Variants in NUDC observed in about 807,000 individuals in gnomAD.
The protein encoded by NUDC is nuclear distribution C, dynein complex regulator, also known as nuclear migration protein nudC.
In NUDC, 14 loss-of-function variants were observed where a neutral mutation model predicts 45.0. The observed-to-expected ratio is 0.31, with a 90% CI of 0.21 to 0.49. The LOEUF (loss-of-function observed/expected upper bound fraction) is 0.49. NUDC is among the 20% of genes least tolerant of loss of function. The pLI, the probability that NUDC is intolerant of heterozygous loss-of-function variation, is 0.99. For synonymous variants in NUDC, 153 were observed against 156.7 expected (o/e 0.98, Z 0.17); for missense variants, 323 against 426.2 (o/e 0.76, Z 2.13).
intron 1 of NUDC, among the ~76,000 whole-genome samples, chr1:26,901,787 TG>T (rs2081980351): frequency 6.6e-6 from 1 of 152,166 alleles, no homozygotes; most frequent in Non-Finnish European, 1.5e-5. Context: ...CACATTATAC[TG>T]GGTGATAGGA....
intron 1 of NUDC, chr1:26,900,611 G>A: frequency 3.2e-6 from 2 of 629,922 alleles, no homozygotes; most frequent in Non-Finnish European, 5.4e-6. Flanking sequence ...TTCCCACAGA[G>A]GGAAGCCGGC....
chr1:26,946,013 A>G (rs1469293211), intron 8 of NUDC, 117 bp from the exon 9 acceptor site: 14 of 1,017,130 alleles, frequency 1.4e-5, no homozygotes, highest in Non-Finnish European at 2.0e-5. Flanking sequence ...GCTCCTGCCC[A>G]GCCTGGCTTG....
In NUDC at chr1:26,924,089, C is replaced by G. The variant is rs199984993; in HGVS notation, c.82C>G (p.Leu28Val). 206 of 1,613,912 alleles carry G rather than the reference C, an allele frequency of 1.3e-4. No homozygotes were observed. The highest frequency in any genetic ancestry group is 6.0e-4 in the Admixed American group (36 of 60,000). ...AQQHEGGVQE[L>V]VNTFFSFLRR... ...CTTTAATCTTCTCCCCCTCTTTCAG[C>G]TTGTGAACACCTTCTTCAGCTTCCT... is the stretch of plus-strand genomic sequence containing the variant. Residue 28 changes from leucine (L) to valine (V), a missense_variant and splice_region_variant, in exon 2 of 9, where the codon CTT (leucine) becomes GTT (valine). By Grantham distance (32) the Leu-to-Val change is conservative. Transcript: ENST00000321265.
chr1:26,929,572 A>T (rs1266339919), intron 2 of NUDC: 1 of 213,604 alleles, frequency 4.7e-6, no homozygotes, highest in African/African-American at 2.3e-5. Flanking sequence ...AAGGGACTTG[A>T]GCATCCTCGG....
chr1:26,923,866 C>G (rs1239859561), intron 1 of NUDC, among the ~76,000 whole-genome samples: 1 of 152,100 alleles, frequency 6.6e-6, no homozygotes, highest in Non-Finnish European at 1.5e-5. Flanking sequence ...TCTAGCATCA[C>G]AAGGAAAGTG....
chr1:26,932,666 A>G (rs998404830), intron 2 of NUDC, among the ~76,000 whole-genome samples: 13 of 152,082 alleles, frequency 8.5e-5, no homozygotes, highest in Admixed American at 6.6e-5. Context: ...TGTTAAGTGA[A>G]CTTACACTAA....
intron 2 of NUDC, among the ~76,000 whole-genome samples, chr1:26,925,345 G>C (rs1373722414): frequency 2.7e-5 from 4 of 150,840 alleles, no homozygotes; most frequent in Non-Finnish European, 4.4e-5. Flanking sequence ...TCGAGACCAT[G>C]CTGGCTAACA....
intron 6 of NUDC, 110 bp downstream of exon 6, chr1:26,943,175 T>C (rs1056983576): frequency 9.0e-7 from 1 of 1,105,058 alleles, no homozygotes; most frequent in Non-Finnish European, 1.4e-6. Context: ...ATTATCTTAA[T>C]CCCCATGACA....
At chr1:26,909,492 G>A (rs535430965) in intron 2 of NUDC, among the ~76,000 whole-genome samples, 3 of 152,312 alleles carry the variant, frequency 2.0e-5, no homozygotes, top group East Asian at 1.9e-4. Context: ...AAAGCCTAGG[G>A]TGGGGCATAG....
chr1:26,918,139 C>A (rs1165706844), upstream of NUDC, among the ~76,000 whole-genome samples: 1 of 151,430 alleles, frequency 6.6e-6, no homozygotes, highest in African/African-American at 2.4e-5. Context: ...TCTTTCACAC[C>A]GAGGAATCTG....
At chr1:26,909,718 A>G (rs2082017426) in intron 2 of NUDC, among the ~76,000 whole-genome samples, 2 of 152,070 alleles carry the variant, frequency 1.3e-5, no homozygotes, top group African/African-American at 4.8e-5. Context: ...GAGTGGTCTC[A>G]TGTGTCTACA....
intron 2 of NUDC, among the ~76,000 whole-genome samples, chr1:26,935,981 G>GTT (rs575764550): frequency 5.5e-4 from 79 of 143,586 alleles, no homozygotes; most frequent in African/African-American, 2.0e-3. Flanking sequence ...AAAATGTTTT[G>GTT]TTTTTTTTTG....
intron 2 of NUDC, among the ~76,000 whole-genome samples, chr1:26,906,565 G>C (rs1001878329): frequency 6.6e-6 from 1 of 151,640 alleles, no homozygotes; most frequent in Non-Finnish European, 1.5e-5. Flanking sequence ...TAAATGTTAC[G>C]TGGGCCGGGC....
At chr1:26,945,336 A>G in intron 6 of NUDC, 54 bp from the exon 7 acceptor site, 1 of 1,464,826 alleles carries the variant, frequency 6.8e-7, no homozygotes, top group African/African-American at 1.4e-5. Context: ...TTAAGGGGTG[A>G]TTCCTGGTGC....
At position 26,939,069 on chromosome 1, in the gene NUDC, C is replaced by T. The variant is rs140255735; in HGVS notation, c.160-2388C>T. On this transcript the variant is annotated intron_variant, in intron 2 of 8. Transcript: ENST00000321265. ...AGGCTGGTGGCGCGATCTCTGCTCA[C>T]TGCAACCTCTGCCTCCCGGGTTCAA... Among the ~76,000 whole-genome samples, 29 of 152,300 alleles carry T rather than the reference C, an allele frequency of 1.9e-4. No individual in the cohort carries two copies. The East Asian group carries it at 5.4e-3, about 28-fold the overall frequency.
At chr1:26,923,111 T>C (rs573378307) in intron 1 of NUDC, among the ~76,000 whole-genome samples, 160 of 152,364 alleles carry the variant, frequency 1.1e-3, no homozygotes, top group Non-Finnish European at 2.0e-3. Flanking sequence ...TTACTGATTA[T>C]GTACCTTTAG....
At chr1:26,911,761 G>A (rs551707481) in intron 3 of NUDC, 7 of 1,550,558 alleles carry the variant, frequency 4.5e-6, no homozygotes, top group East Asian at 2.2e-5. Flanking sequence ...CCCTCCAGGA[G>A]CATTGGGTCA....
intron 3 of NUDC, among the ~76,000 whole-genome samples, chr1:26,914,667 TAATAA>T (rs2082051733): frequency 6.6e-6 from 1 of 152,096 alleles, no homozygotes. Context: ...CACAGAATTA[TAATAA>T]AAGATAGTTG....
chr1:26,910,514 A>G (rs999299002), intron 2 of NUDC, among the ~76,000 whole-genome samples: 16 of 152,152 alleles, frequency 1.1e-4, no homozygotes, highest in African/African-American at 3.6e-4. Flanking sequence ...CTGAATGATG[A>G]CGCCTAGACT....
Sources: allele counts gnomAD v4.1 joint callset (sites outside exome capture counted in the v4.1 genomes callset), GRCh38; gene constraint gnomAD v4.1.1; transcripts MANE v1.5; gene names NCBI Gene and HGNC (gene_info 2026-07-23, HGNC 2026-07-21).